SH3KBP1: variants seen among roughly 807,000 people sequenced by gnomAD.
SH3KBP1 encodes the protein SH3 domain-containing kinase-binding protein 1.
Under a neutral mutation model 50.1 loss-of-function variants are expected in SH3KBP1, and 8 were observed. The ratio of observed to expected loss-of-function variants is 0.16; its 90% CI spans 0.09 to 0.29. The LOEUF is 0.29. Ranked by LOEUF, SH3KBP1 falls within the 10% of genes least tolerant of loss-of-function variation. The pLI is 1.00. For synonymous variants in SH3KBP1, 227 were observed against 218.6 expected, an observed-to-expected ratio of 1.04 and a Z score of -0.34; for missense variants, 377 against 535.2, an observed-to-expected ratio of 0.70 and a Z score of 2.92.
At chrX:19,844,310 T>C (rs1050270950) in intron 1 of SH3KBP1, among the ~76,000 whole-genome samples, 8 of 111,778 alleles carry the variant, frequency 7.2e-5, no homozygotes, top group Non-Finnish European at 1.3e-4. Context: ...TCAATAAATG[T>C]TGGTGACTGA....
At chrX:19,796,743 G>A (rs764608640) in intron 2 of SH3KBP1, among the ~76,000 whole-genome samples, 21 of 112,408 alleles carry the variant, frequency 1.9e-4, no homozygotes, top group Admixed American at 2.8e-4. Flanking sequence ...AGCAAATCAC[G>A]TTGAAGACAG....
intron 12 of SH3KBP1, among the ~76,000 whole-genome samples, chrX:19,576,054 TAAGAG>T (rs896575222): frequency 8.9e-6 from 1 of 112,534 alleles, no homozygotes; most frequent in Non-Finnish European, 1.9e-5. Flanking sequence ...AAGGAGAACA[TAAGAG>T]AAGTCAGGAG....
chrX:19,760,101 C>A (rs115668423), intron 2 of SH3KBP1, among the ~76,000 whole-genome samples: 8 of 103,625 alleles, frequency 7.7e-5, no homozygotes, highest in African/African-American at 3.0e-4. Flanking sequence ...CACACACACA[C>A]ACTTGGCTGG....
At chrX:19,633,406 T>G (rs1360722155) in intron 7 of SH3KBP1, among the ~76,000 whole-genome samples, 1 of 112,126 alleles carries the variant, frequency 8.9e-6, no homozygotes, top group African/African-American at 3.2e-5. Context: ...TAAACCCATA[T>G]AGTTACCAAC....
At chrX:19,861,834 A>G (rs1350224358) in intron 1 of SH3KBP1, among the ~76,000 whole-genome samples, 1 of 112,067 alleles carries the variant, frequency 8.9e-6, no homozygotes, top group Non-Finnish European at 1.9e-5. Flanking sequence ...TCTCTGGTGA[A>G]CTGTTCCTGG....
At chrX:19,704,473 C>G (rs1224842469) in intron 4 of SH3KBP1, among the ~76,000 whole-genome samples, 1 of 112,872 alleles carries the variant, frequency 8.9e-6, no homozygotes. Context: ...TCTTCTATGA[C>G]AGAAGCATTT....
intron 3 of SH3KBP1, among the ~76,000 whole-genome samples, chrX:19,740,357 A>G (rs186319440): frequency 5.7e-4 from 64 of 112,186 alleles, no homozygotes; most frequent in African/African-American, 2.0e-3. Flanking sequence ...ACATTCACAC[A>G]GACGTATATA....
intron 1 of SH3KBP1, among the ~76,000 whole-genome samples, chrX:19,849,239 A>T (rs2068439174): frequency 1.8e-5 from 2 of 111,599 alleles, no homozygotes; most frequent in South Asian, 7.5e-4. Flanking sequence ...TGGATTTACC[A>T]CCAGTTTACA....
At chrX:19,832,596 C>T (rs1216096539) in intron 2 of SH3KBP1, among the ~76,000 whole-genome samples, 6 of 111,058 alleles carry the variant, frequency 5.4e-5, no homozygotes, top group Non-Finnish European at 9.5e-5. Context: ...ATGAGAGACA[C>T]GGCCAGCCCA....
In SH3KBP1 at chrX:19,803,226, T is replaced by C. The variant is rs1240957696; in HGVS notation, c.162+32899A>G. ...GACAGGGAATGTCCAACTTTTTTTA[T>C]TTTTCTGATTGTGAGGTTTCCCTTA... On this transcript the variant is annotated intron_variant, in intron 2 of 17. Coordinates refer to ENST00000397821, the MANE Select transcript of SH3KBP1 (RefSeq NM_031892.3). 3.6e-5 allele frequency among the ~76,000 whole-genome samples: 4 copies of C among 111,995 alleles called. No homozygotes were observed. The East Asian group carries it at 1.1e-3, about 31-fold the overall frequency.
At chrX:19,719,941 A>G (rs1009187460) in intron 3 of SH3KBP1, among the ~76,000 whole-genome samples, 2 of 108,915 alleles carry the variant, frequency 1.8e-5, no homozygotes, top group African/African-American at 6.7e-5. Flanking sequence ...AAACGGCCCA[A>G]CTCACCCAGC....
chrX:19,714,856 A>G (rs1176779476), intron 3 of SH3KBP1, among the ~76,000 whole-genome samples: 1 of 112,330 alleles, frequency 8.9e-6, no homozygotes, highest in Non-Finnish European at 1.9e-5. Context: ...TTAATGTTAC[A>G]TTTCCGGAGT....
At chrX:19,585,396 AAC>A (rs1285214217) in intron 12 of SH3KBP1, among the ~76,000 whole-genome samples, 1 of 111,844 alleles carries the variant, frequency 8.9e-6, no homozygotes, top group Non-Finnish European at 1.9e-5. Context: ...GAGATGACAA[AAC>A]ACACTCTTGA....
At chrX:19,774,012 T>C (rs1004271307) in intron 2 of SH3KBP1, among the ~76,000 whole-genome samples, 7 of 110,235 alleles carry the variant, frequency 6.4e-5, no homozygotes, top group Non-Finnish European at 1.1e-4. Flanking sequence ...CCTGTCACCC[T>C]TTCATAGAAA....
chrX:19,598,910 C>T (rs1244176048), intron 9 of SH3KBP1, among the ~76,000 whole-genome samples: 2 of 112,097 alleles, frequency 1.8e-5, no homozygotes, highest in African/African-American at 3.2e-5. Flanking sequence ...AACACAAAGA[C>T]ATGAAGTGAG....
intron 3 of SH3KBP1, 78 bp downstream of exon 3, chrX:19,746,240 A>G: frequency 3.6e-6 from 4 of 1,113,604 alleles, no homozygotes; most frequent in South Asian, 1.9e-5. Flanking sequence ...TCAGCAATAT[A>G]AAGTTTGACA....
intron 1 of SH3KBP1, 117 bp downstream of exon 1, chrX:19,887,190 G>A (rs2069617925): frequency 1.6e-6 from 1 of 607,319 alleles, no homozygotes; most frequent in South Asian, 8.2e-5. Flanking sequence ...CGCCCACCGC[G>A]GTGTCCCCCG....
chrX:19,632,787 C>T (rs776328204), intron 7 of SH3KBP1, among the ~76,000 whole-genome samples: 6 of 112,503 alleles, frequency 5.3e-5, no homozygotes, highest in Admixed American at 4.7e-4. Context: ...ATTTGTATTT[C>T]GGAAATGGAG....
intron 13 of SH3KBP1, among the ~76,000 whole-genome samples, chrX:19,552,370 G>A (rs1277036378): frequency 1.8e-5 from 2 of 110,834 alleles, no homozygotes; most frequent in Non-Finnish European, 3.8e-5. Flanking sequence ...GTTGGGGGCC[G>A]GGCGGGGTGC....
Sources: allele counts gnomAD v4.1 joint callset (sites outside exome capture counted in the v4.1 genomes callset), GRCh38; gene constraint gnomAD v4.1.1; transcripts MANE v1.5; gene names NCBI Gene and HGNC (gene_info 2026-07-23, HGNC 2026-07-21).